Variants in SLC41A2 observed in about 807,000 individuals in gnomAD.
SLC41A2 encodes SLC41A1-like 1.
A neutral mutation model predicts 58.3 loss-of-function variants in SLC41A2; 32 were observed. The observed-to-expected ratio is 0.55, with a 90% CI of 0.41 to 0.74. The LOEUF (loss-of-function observed/expected upper bound fraction) is 0.74, where lower values mean the gene tolerates loss of function less well. Ranked by LOEUF, SLC41A2 falls within the 30% of genes least tolerant of loss-of-function variation. The pLI, the probability that SLC41A2 is intolerant of heterozygous loss-of-function variation, is 0.00. For missense variants in SLC41A2, 514 were observed against 680.6 expected (o/e 0.76, Z 2.72); for synonymous variants, 190 against 235.0 (o/e 0.81, Z 1.75).
At chr12:104,819,658 G>A (rs1397616588) in intron 10 of SLC41A2, among the ~76,000 whole-genome samples, 1 of 152,192 alleles carries the variant, frequency 6.6e-6, no homozygotes, top group Non-Finnish European at 1.5e-5. Flanking sequence ...TTGGCACTCA[G>A]CATCCATTCT....
chr12:104,902,027 C>A (rs1237272264), intron 3 of SLC41A2, among the ~76,000 whole-genome samples: 1 of 151,976 alleles, frequency 6.6e-6, no homozygotes, highest in East Asian at 1.9e-4. Flanking sequence ...ATTAAAGTAA[C>A]CATTGATTGG....
intron 3 of SLC41A2, among the ~76,000 whole-genome samples, chr12:104,897,136 T>C (rs570660134): frequency 8.0e-6 from 1 of 124,986 alleles, no homozygotes; most frequent in African/African-American, 3.1e-5. Context: ...GTGACACTTT[T>C]CTTTTTTCTT....
intron 4 of SLC41A2, among the ~76,000 whole-genome samples, chr12:104,890,980 G>T (rs1451825753): frequency 1.3e-5 from 2 of 152,082 alleles, no homozygotes; most frequent in Non-Finnish European, 2.9e-5. Flanking sequence ...GAGGAGGCTT[G>T]TGCCAGCCCA....
chr12:104,921,900 TCTTA>T (rs1268726342), intron 2 of SLC41A2, among the ~76,000 whole-genome samples: 1 of 152,182 alleles, frequency 6.6e-6, no homozygotes, highest in Non-Finnish European at 1.5e-5. Flanking sequence ...GTGTAGAGTT[TCTTA>T]GTTTTTTCTT....
At chr12:104,879,811 A>C (rs1565867248) in intron 6 of SLC41A2, among the ~76,000 whole-genome samples, 1 of 152,114 alleles carries the variant, frequency 6.6e-6, no homozygotes, top group Non-Finnish European at 1.5e-5. Flanking sequence ...ACTTTAAAGT[A>C]GTTTTTTCCA....
intron 1 of SLC41A2, among the ~76,000 whole-genome samples, chr12:104,936,940 A>C (rs772457840): frequency 6.6e-6 from 1 of 152,214 alleles, no homozygotes; most frequent in Non-Finnish European, 1.5e-5. Context: ...TAATATTTAA[A>C]GTTTATAAAG....
intron 6 of SLC41A2, among the ~76,000 whole-genome samples, chr12:104,868,345 A>G (rs1331683014): frequency 6.6e-6 from 1 of 152,230 alleles, no homozygotes; most frequent in African/African-American, 2.4e-5. Flanking sequence ...AGATCATCTT[A>G]GTATTTTATT....
intron 4 of SLC41A2, among the ~76,000 whole-genome samples, chr12:104,894,768 C>G (rs1385497645): frequency 1.3e-5 from 2 of 152,126 alleles, no homozygotes; most frequent in African/African-American, 2.4e-5. Flanking sequence ...TTAGAAAAAG[C>G]TGTAGATTAT....
chr12:104,817,680 T>C (rs1034511671), intron 10 of SLC41A2, among the ~76,000 whole-genome samples: 4 of 151,860 alleles, frequency 2.6e-5, no homozygotes, highest in Non-Finnish European at 4.4e-5. Flanking sequence ...TTGTTTACTA[T>C]CATTATCAAG....
At chr12:104,862,338 A>C (rs2043242794) in intron 7 of SLC41A2, among the ~76,000 whole-genome samples, 4 of 152,226 alleles carry the variant, frequency 2.6e-5, no homozygotes, top group Admixed American at 2.6e-4. Flanking sequence ...GTAGAGTCCC[A>C]AAATAGTCCT....
At chr12:104,943,070 T>G (rs1053107679) in intron 1 of SLC41A2, among the ~76,000 whole-genome samples, 3 of 152,114 alleles carry the variant, frequency 2.0e-5, no homozygotes, top group Non-Finnish European at 4.4e-5. Context: ...AATACACACT[T>G]GACTTTGTAT....
At chr12:104,865,797 T>C (rs111998780) in intron 7 of SLC41A2, among the ~76,000 whole-genome samples, 4 of 152,350 alleles carry the variant, frequency 2.6e-5, no homozygotes, top group African/African-American at 9.6e-5. Context: ...ATAAACTCTT[T>C]CCATAGCAAT....
rs1009372412 is a variant in SLC41A2 at position 104,872,994 on chromosome 12, T to A, written c.1028-6415A>T. Among the ~76,000 whole-genome samples, 3 of 152,354 alleles carry A rather than the reference T, an allele frequency of 2.0e-5. No homozygotes were observed. The South Asian group carries it at 6.2e-4, about 32-fold the overall frequency. On this transcript the variant is annotated intron_variant, in intron 6 of 10. Coordinates refer to ENST00000258538, the MANE Select transcript of SLC41A2 (RefSeq NM_001352171.3). ...CAGTCCAGTGATTTAACATCCATCA[T>A]CTCAGATATTTAACCTCTTTCCACT...
At position 104,844,513 on chromosome 12, in the gene SLC41A2, T is replaced by C. The variant is rs1254299514; in HGVS notation, c.1495A>G (p.Ile499Val). ...AATAAATACACTACTATGAAGATTA[T>C]AGTTAAAGAAGTATGACCACTTTTC... Reference protein sequence around the residue: ...LMKSGHTSLTIIFIVVYLFGA... With the variant: ...LMKSGHTSLTVIFIVVYLFGA... The change falls in exon 10 of 11, where the codon ATA (isoleucine) becomes GTA (valine). Residue 499 changes from isoleucine to valine, a missense_variant. Around this residue, in one of 3 missense-constraint regions of SLC41A2, gnomAD observed 128 missense variants for 146.0 expected, o/e 0.88. Coordinates refer to ENST00000258538, the MANE Select transcript of SLC41A2 (RefSeq NM_001352171.3). The C allele has an allele frequency of 6.4e-7, 1 of 1,561,974 alleles. No homozygotes were observed. Among genetic ancestry groups the C allele is most frequent in the Non-Finnish European group, 8.6e-7 (1 of 1,157,176 alleles).
At chr12:104,838,028 G>A (rs2136304609) in intron 10 of SLC41A2, among the ~76,000 whole-genome samples, 1 of 152,284 alleles carries the variant, frequency 6.6e-6, no homozygotes, top group East Asian at 1.9e-4. Flanking sequence ...TGTGATGTCT[G>A]GATGACAGAC....
chr12:104,857,259 C>T (rs1428508927), intron 8 of SLC41A2, among the ~76,000 whole-genome samples: 3 of 151,996 alleles, frequency 2.0e-5, no homozygotes, highest in Non-Finnish European at 4.4e-5. Context: ...TCTAGGGGGT[C>T]TGAGGAAGGT....
At chr12:104,921,647 A>G (rs906588757) in intron 2 of SLC41A2, among the ~76,000 whole-genome samples, 1 of 152,208 alleles carries the variant, frequency 6.6e-6, no homozygotes, top group South Asian at 2.1e-4. Context: ...AAAACACACT[A>G]ATGTGCAAAA....
chr12:104,918,653 A>G (rs2046446224), intron 2 of SLC41A2, among the ~76,000 whole-genome samples: 1 of 151,164 alleles, frequency 6.6e-6, no homozygotes, highest in African/African-American at 2.4e-5. Flanking sequence ...AAAAACTAAA[A>G]ACAGTCATTT....
chr12:104,805,349 C>A lies in SLC41A2; in HGVS notation c.1537-12G>T. The A allele has an allele frequency of 1.2e-6, 2 of 1,607,866 alleles. No homozygotes were observed. Among genetic ancestry groups the A allele is most frequent in the Non-Finnish European group, 1.7e-6 (2 of 1,176,962 alleles). On this transcript the variant is annotated splice_polypyrimidine_tract_variant and intron_variant, in intron 10 of 10. Transcript: ENST00000258538. ...AGCAAGGTAAATACCTAGAAGAGAA[C>A]AACAGAGATTACTCCGGCTGCCTGG...
Sources: allele counts gnomAD v4.1 joint callset (sites outside exome capture counted in the v4.1 genomes callset), GRCh38; gene constraint gnomAD v4.1.1; regional missense constraint gnomAD v4.1.1; transcripts MANE v1.5; gene names NCBI Gene and HGNC (gene_info 2026-07-23, HGNC 2026-07-21).